DHRS13: variants seen among roughly 807,000 people sequenced by gnomAD.
DHRS13 encodes the protein dehydrogenase/reductase SDR family member 13.
DHRS13 carries 22 observed loss-of-function variants against 17.9 expected under a neutral mutation model. The observed-to-expected ratio is 1.23, with a 90% CI of 0.88 to 1.75. The LOEUF is 1.75. DHRS13 is among the 40% of genes most tolerant of loss of function. The probability of loss-of-function intolerance (pLI) is 0.00; values close to 1 mark genes in which losing one functional copy is unlikely to be tolerated. For missense variants in DHRS13, 483 were observed against 519.9 expected (o/e 0.93, Z 0.69); for synonymous variants, 206 against 220.4 (o/e 0.93, Z 0.58).
At position 28,902,241 on chromosome 17, in the gene DHRS13, T is replaced by C; in HGVS notation, c.246+342A>G. ...CTTTGTGCTCCAGCCTCATTAAATC[T>C]TTTTCTCAGTTTTTCAGATCAGTCC... On this transcript the variant is annotated intron_variant, in intron 2 of 4. Transcript: ENST00000378895. The surrounding 1 kb of genome is among the most constrained non-coding windows in gnomAD (Gnocchi z 4.0). The C allele has an allele frequency of 4.7e-6, 1 of 210,528 alleles. No homozygotes were observed. The highest frequency in any genetic ancestry group is 9.4e-6 in the Non-Finnish European group (1 of 106,194). The allele number at this position is 210,528 out of a possible 1,614,324, so 13.0% of individuals were successfully genotyped here. A position where few individuals can be genotyped will look rare whatever the true frequency, so the allele number is the denominator to read the frequency against.
At position 28,902,866 on chromosome 17, in the gene DHRS13, G is replaced by T. The variant is rs1266157208; in HGVS notation, c.79C>A (p.Pro27Thr). The change falls in exon 1 of 5, where the codon CCG (proline) becomes ACG (threonine). Residue 27 changes from proline to threonine, a missense_variant. Physicochemically the swap from Pro to Thr is conservative, Grantham distance 38. Transcript: ENST00000378895. The surrounding 1 kb of genome is among the most constrained non-coding windows in gnomAD (Gnocchi z 4.0). ...CGCAGGTTGCCCATGCCGCCGCACG[G>T]CGGGGCCTTCACCAGGTTGTAGTAG... ...LVYYNLVKAP[P>T]CGGMGNLRGR... 6 of 1,551,282 alleles carry T rather than the reference G, an allele frequency of 3.9e-6. No individual in the cohort carries two copies. The highest frequency in any genetic ancestry group is 4.3e-6 in the Non-Finnish European group (5 of 1,157,222).
chr17:28,901,168 T>TACC lies in DHRS13; in HGVS notation c.501_503dup (p.Val168dup). On this transcript the variant is annotated inframe_insertion, in exon 4 of 5. Coordinates refer to ENST00000378895, the MANE Select transcript of DHRS13 (RefSeq NM_144683.4). The surrounding 1 kb of genome is among the most constrained non-coding windows in gnomAD (Gnocchi z 4.3). ...GTCCCCGACAGTGGGCAGCTGAGGC[T>TACC]ACCACCACCACGCGGCTAGGGGCAC... is the stretch of plus-strand genomic sequence containing the variant. The TACC allele has an allele frequency of 6.2e-7, 1 of 1,614,116 alleles. No individual in the cohort carries two copies.
In DHRS13 at chr17:28,902,821, TG is replaced by T. The variant is rs2152652900; in HGVS notation, c.123del (p.Thr42ArgfsTer10). 1 of 1,537,912 alleles carries T rather than the reference TG, an allele frequency of 6.5e-7. No individual in the cohort carries two copies. Among genetic ancestry groups the T allele is most frequent in the South Asian group, 1.2e-5 (1 of 85,644 alleles). ...MGNLRGRTAV[V>X]TGANSGIGKM... ...ACTCACCCGCCTCCGCACTCACCCG[TG>T]ACCACGGCCGTGCGGCCCCGCAGGT... On this transcript the variant is annotated frameshift_variant, in exon 1 of 5. Transcript: ENST00000378895. LOFTEE classifies it high-confidence loss of function. The surrounding 1 kb of genome is among the most constrained non-coding windows in gnomAD (Gnocchi z 4.0).
rs1041700133 is a variant in DHRS13, at chr17:28,902,465, A to G, written c.246+118T>C. On this transcript the variant is annotated intron_variant, in intron 2 of 4. Coordinates refer to ENST00000378895, the MANE Select transcript of DHRS13 (RefSeq NM_144683.4). The surrounding 1 kb of genome is among the most constrained non-coding windows in gnomAD (Gnocchi z 4.0). ...CTCCGTGCACTCCCTCTTCGCGCTC[A>G]GCCGCCCGCGCCGCGCTCTCCTCCC... 9.0e-7 allele frequency: 1 copy of G among 1,110,204 alleles called. No homozygotes were observed. Among genetic ancestry groups the G allele is most frequent in the Admixed American group, 4.1e-5 (1 of 24,442 alleles). 68.8% of individuals were successfully genotyped at this position (1,110,204 alleles called of 1,614,324 possible).
rs1226980557 is a variant in DHRS13, at chr17:28,901,632, G to A, written c.247-16C>T. ...TCCCACTCTCCTGTGGAGAGGCAAG[G>A]GCTGGGCTTGTCACCAGGCATCTCT... On this transcript the variant is annotated splice_polypyrimidine_tract_variant and intron_variant, in intron 2 of 4. Transcript: ENST00000378895. The surrounding 1 kb of genome is among the most constrained non-coding windows in gnomAD (Gnocchi z 4.3). The A allele has an allele frequency of 9.3e-6, 15 of 1,612,966 alleles. No homozygotes were observed. The highest frequency in any genetic ancestry group is 1.3e-5 in the African/African-American group (1 of 75,028).
chr17:28,901,462 C>A lies in DHRS13; in HGVS notation c.370+31G>T. 6.2e-7 allele frequency: 1 copy of A among 1,612,874 alleles called. No individual in the cohort carries two copies. Among genetic ancestry groups the A allele is most frequent in the South Asian group, 1.1e-5 (1 of 91,022 alleles). On this transcript the variant is annotated intron_variant, in intron 3 of 4. Transcript: ENST00000378895. This position sits in a 1 kb window ranked among gnomAD's most constrained non-coding sequence, Gnocchi z 4.3. Reference sequence around the variant, plus strand: ...CAGTTGCCCCTGGCCACCCGCCACCCCACCCCCACGCAGGGCCTGCTGCCC... The same window carrying A: ...CAGTTGCCCCTGGCCACCCGCCACCACACCCCCACGCAGGGCCTGCTGCCC...
Position 28,901,382 on chromosome 17 carries a change from G to A in DHRS13, c.371-81C>T. On this transcript the variant is annotated intron_variant, in intron 3 of 4. Coordinates refer to ENST00000378895, the MANE Select transcript of DHRS13 (RefSeq NM_144683.4). This position sits in a 1 kb window ranked among gnomAD's most constrained non-coding sequence, Gnocchi z 4.3. ...CATCCCTATCTATGAGATGGGAGAAGGGGGCATCCTTCCCATGTGTCCACT... is the reference window on the plus strand; with the variant it reads ...CATCCCTATCTATGAGATGGGAGAAAGGGGCATCCTTCCCATGTGTCCACT... 6.3e-7 allele frequency: 1 copy of A among 1,588,082 alleles called. No homozygotes were observed. The highest frequency in any genetic ancestry group is 2.2e-5 in the East Asian group (1 of 44,656).
Position 28,901,405 on chromosome 17 carries a change from A to T in DHRS13, c.370+88T>A. On this transcript the variant is annotated intron_variant, in intron 3 of 4. Coordinates refer to ENST00000378895, the MANE Select transcript of DHRS13 (RefSeq NM_144683.4). This position sits in a 1 kb window ranked among gnomAD's most constrained non-coding sequence, Gnocchi z 4.3. ...AAGGGGGCATCCTTCCCATGTGTCC[A>T]CTGGCCCCAGCAGGGCCCCCGCTGG... 1 of 1,600,060 alleles carries T rather than the reference A, an allele frequency of 6.2e-7. No homozygotes were observed. The highest frequency in any genetic ancestry group is 8.5e-7 in the Non-Finnish European group (1 of 1,172,944).
rs1473485330 is a variant in DHRS13, at chr17:28,897,843, C to G, written c.*598G>C. ...ATACAGATGACCCCAGCCCTGCATC[C>G]GCCCGGAAGGCGTCCCCTTACTCCC... On this transcript the variant is annotated 3_prime_UTR_variant, in exon 5 of 5. Transcript: ENST00000378895. The surrounding 1 kb of genome is among the most constrained non-coding windows in gnomAD (Gnocchi z 4.4). 2 of 275,846 alleles carry G rather than the reference C, an allele frequency of 7.3e-6. No individual in the cohort carries two copies. The highest frequency in any genetic ancestry group is 1.3e-5 in the Non-Finnish European group (2 of 149,352). 17.1% of individuals were successfully genotyped at this position (275,846 alleles called of 1,614,324 possible). A position where few individuals can be genotyped will look rare whatever the true frequency, so the allele number is the denominator to read the frequency against.
Position 28,902,610 on chromosome 17 carries a change from C to G in DHRS13, c.219G>C (p.Gly73=). 1 of 1,476,768 alleles carries G rather than the reference C, an allele frequency of 6.8e-7. No individual in the cohort carries two copies. Among genetic ancestry groups the G allele is most frequent in the Non-Finnish European group, 8.9e-7 (1 of 1,122,430 alleles). The allele number at this position is 1,476,768 out of a possible 1,614,324, so 91.5% of individuals were successfully genotyped here. The change falls in exon 2 of 5, where the codon GGG becomes GGC. Residue 73 remains glycine, a synonymous_variant. Transcript: ENST00000378895. This position sits in a 1 kb window ranked among gnomAD's most constrained non-coding sequence, Gnocchi z 4.0. Reference sequence around the variant, plus strand: ...GGCGGAGGTCGAAGGCAGCCGCCTCCCCGCGCTCCTGGCTGCGGCAGGCCA... The same window carrying G: ...GGCGGAGGTCGAAGGCAGCCGCCTCGCCGCGCTCCTGGCTGCGGCAGGCCA... The part of the protein sequence containing the change: ...VVLACRSQER[G]EAAAFDLRQE...
In DHRS13 at chr17:28,902,747, C is replaced by G. The variant is rs1056870286; in HGVS notation, c.128-46G>C. 2 of 1,378,454 alleles carry G rather than the reference C, an allele frequency of 1.5e-6. No individual in the cohort carries two copies. The highest frequency in any genetic ancestry group is 1.9e-6 in the Non-Finnish European group (2 of 1,076,274). 85.4% of individuals were successfully genotyped at this position (1,378,454 alleles called of 1,614,324 possible). On this transcript the variant is annotated intron_variant, in intron 1 of 4. Coordinates refer to ENST00000378895, the MANE Select transcript of DHRS13 (RefSeq NM_144683.4). This position sits in a 1 kb window ranked among gnomAD's most constrained non-coding sequence, Gnocchi z 4.0. ...CCGAGCTGAGCTGAGCCCGGCGGGC[C>G]GCTGCTACCGCCGGCCCGGCCTCCT...
chr17:28,901,110 C>A lies in DHRS13; in HGVS notation c.562G>T (p.Val188Leu). 6.2e-7 allele frequency: 1 copy of A among 1,614,200 alleles called. No homozygotes were observed. Among genetic ancestry groups the A allele is most frequent in the Non-Finnish European group, 8.5e-7 (1 of 1,180,034 alleles). The change falls in exon 4 of 5, where the codon GTG becomes TTG. Residue 188 changes from valine (V) to leucine (L), a missense_variant. Physicochemically the swap from Val to Leu is conservative, Grantham distance 32. Coordinates refer to ENST00000378895, the MANE Select transcript of DHRS13 (RefSeq NM_144683.4). The surrounding 1 kb of genome is among the most constrained non-coding windows in gnomAD (Gnocchi z 4.3). ...LDFKRLDRPV[V>L]GWRQELRAYA... Reference sequence around the variant, plus strand: ...GCCCGCAGCTCCTGCCGCCAGCCCACCACTGGGCGGTCCAGGCGTTTGAAG... The same window carrying A: ...GCCCGCAGCTCCTGCCGCCAGCCCAACACTGGGCGGTCCAGGCGTTTGAAG...
chr17:28,901,926 G>T lies in DHRS13; in HGVS notation c.247-310C>A. The stretch of plus-strand genomic sequence containing the variant: ...GAGTTAACGTGTAAAATACACTCTA[G>T]CAGCACTGGGTAGGTACTTGCTATT... On this transcript the variant is annotated intron_variant, in intron 2 of 4. Transcript: ENST00000378895. The surrounding 1 kb of genome is among the most constrained non-coding windows in gnomAD (Gnocchi z 4.3). The T allele has an allele frequency of 3.1e-6, 1 of 323,588 alleles. No homozygotes were observed. The allele number at this position is 323,588 out of a possible 1,614,324, so 20.0% of individuals were successfully genotyped here.
In DHRS13 at chr17:28,902,512, C is replaced by A. The variant is rs1166374858; in HGVS notation, c.246+71G>T. On this transcript the variant is annotated intron_variant, in intron 2 of 4. Transcript: ENST00000378895. This position sits in a 1 kb window ranked among gnomAD's most constrained non-coding sequence, Gnocchi z 4.0. Reference sequence around the variant, plus strand: ...TCCCTGGACCCGGATCCTCCGCAGCCCCTTTGCTGGCTTCTCTGTGTCCCG... The same window carrying A: ...TCCCTGGACCCGGATCCTCCGCAGCACCTTTGCTGGCTTCTCTGTGTCCCG... The A allele has an allele frequency of 2.3e-5, 31 of 1,363,330 alleles. No homozygotes were observed. Among genetic ancestry groups the A allele is most frequent in the Non-Finnish European group, 2.8e-5 (29 of 1,050,020 alleles). The allele number at this position is 1,363,330 out of a possible 1,614,324, so 84.5% of individuals were successfully genotyped here. A position where few individuals can be genotyped will look rare whatever the true frequency, so the allele number is the denominator to read the frequency against.
At chr17:28,900,459 C>T (rs2039796766) in intron 4 of DHRS13, among the ~76,000 whole-genome samples, 1 of 152,196 alleles carries the variant, frequency 6.6e-6, no homozygotes, top group Non-Finnish European at 1.5e-5. Context: ...ACCATATTCC[C>T]GTTCCATTTG....
Position 28,901,652 on chromosome 17 carries a change from A to G in DHRS13, c.247-36T>C, listed in dbSNP as rs1327304095. ...GCAAGGGCTGGGCTTGTCACCAGGC[A>G]TCTCTCTCCTCTTCCCTCTCCCCAG... On this transcript the variant is annotated intron_variant, in intron 2 of 4. Transcript: ENST00000378895. This position sits in a 1 kb window ranked among gnomAD's most constrained non-coding sequence, Gnocchi z 4.3. The G allele has an allele frequency of 4.3e-6, 7 of 1,610,496 alleles. No homozygotes were observed. Among genetic ancestry groups the G allele is most frequent in the Non-Finnish European group, 5.1e-6 (6 of 1,177,286 alleles).
chr17:28,898,223 C>G lies in DHRS13; in HGVS notation c.*218G>C. The G allele has an allele frequency of 1.7e-6, 1 of 577,890 alleles. No individual in the cohort carries two copies. The highest frequency in any genetic ancestry group is 3.0e-6 in the Non-Finnish European group (1 of 334,148). The allele number at this position is 577,890 out of a possible 1,614,324, so 35.8% of individuals were successfully genotyped here. On this transcript the variant is annotated 3_prime_UTR_variant, in exon 5 of 5. Coordinates refer to ENST00000378895, the MANE Select transcript of DHRS13 (RefSeq NM_144683.4). ...GAGAAGCACAGTGTCTAGCATACCC[C>G]TATCTCTCCATCTGGGGTTACTGTC... is the stretch of plus-strand genomic sequence containing the variant.
At position 28,902,052 on chromosome 17, in the gene DHRS13, GC is replaced by G. The variant is rs1344096021; in HGVS notation, c.247-437del. The G allele has an allele frequency of 5.6e-6, 1 of 177,082 alleles. No individual in the cohort carries two copies. The highest frequency in any genetic ancestry group is 1.2e-5 in the Non-Finnish European group (1 of 82,820). The allele number at this position is 177,082 out of a possible 1,614,324, so 11.0% of individuals were successfully genotyped here. On this transcript the variant is annotated intron_variant, in intron 2 of 4. Coordinates refer to ENST00000378895, the MANE Select transcript of DHRS13 (RefSeq NM_144683.4). The surrounding 1 kb of genome is among the most constrained non-coding windows in gnomAD (Gnocchi z 4.0). ...CTTGCCCCCCCACTCCAGGCACCAC[GC>G]AGCCACAAAGGAGTTCCTTCCAAAG... is the stretch of plus-strand genomic sequence containing the variant.
At chr17:28,900,017 GAT>G (rs1215920779) in intron 4 of DHRS13, among the ~76,000 whole-genome samples, 1 of 151,970 alleles carries the variant, frequency 6.6e-6, no homozygotes, top group Non-Finnish European at 1.5e-5. Flanking sequence ...GGATTAAAGC[GAT>G]TCTCCTGCCT....
Sources: allele counts gnomAD v4.1 joint callset (sites outside exome capture counted in the v4.1 genomes callset), GRCh38; gene constraint gnomAD v4.1.1; non-coding constraint Gnocchi (gnomAD v3.1); transcripts MANE v1.5; gene names NCBI Gene and HGNC (gene_info 2026-07-23, HGNC 2026-07-21).